MOV10L1: variants seen among roughly 807,000 people sequenced by gnomAD.
MOV10L1 encodes the protein Mov10 like RNA helicase 1, also known as RNA helicase Mov10l1.
MOV10L1 carries 110 observed loss-of-function variants against 143.8 expected under a neutral mutation model. That is an observed-to-expected ratio of 0.76 (90% CI 0.66 to 0.90). The LOEUF is 0.90. Among genes scored for constraint, MOV10L1 ranks in the 40% least tolerant of loss-of-function variants. The pLI, the probability that MOV10L1 is intolerant of heterozygous loss-of-function variation, is 0.00. For missense variants in MOV10L1, 1,406 were observed against 1,526.8 expected (o/e 0.92, Z 1.32); for synonymous variants, 593 against 581.1 (o/e 1.02, Z -0.29).
chr22:50,113,726 A>G lies in MOV10L1; in HGVS notation c.822A>G (p.Thr274=). The G allele has an allele frequency of 1.2e-6, 2 of 1,614,138 alleles. No homozygotes were observed. The highest frequency in any genetic ancestry group is 1.1e-5 in the South Asian group (1 of 91,084). The stretch of plus-strand genomic sequence containing the variant: ...AGAACAAAGGTGATATTGAAGTTAC[A>G]CAGGTGACGCATTTTGGAACCCTAA... The part of the protein sequence containing the change: ...LLKNKGDIEV[T]QVTHFGTLKE... The change falls in exon 6 of 27, where the codon ACA becomes ACG. Residue 274 remains threonine, a synonymous_variant. Coordinates refer to ENST00000262794, the MANE Select transcript of MOV10L1 (RefSeq NM_018995.3).
intron 15 of MOV10L1, among the ~76,000 whole-genome samples, chr22:50,141,257 C>T (rs1602305003): frequency 6.6e-6 from 1 of 151,726 alleles, no homozygotes; most frequent in African/African-American, 2.4e-5. Flanking sequence ...AGGATGGTCT[C>T]GATCTCTTGA....
chr22:50,141,495 A>ATTTTTTTTTTTTTT (rs56881561), intron 15 of MOV10L1, among the ~76,000 whole-genome samples: 2 of 138,174 alleles, frequency 1.4e-5, no homozygotes, highest in Non-Finnish European at 3.1e-5. Flanking sequence ...TGCCCGGCTA[A>ATTTTTTTTTTTTTT]TTTTTTTTTT....
chr22:50,161,566 G>C lies in MOV10L1; in HGVS notation c.*117G>C, dbSNP rs901534718. ...CTCGCAGCCAGGCAGGGTCGTGTGT[G>C]GGTGTGGGGCTGCCAGGTTGGACGC... On this transcript the variant is annotated 3_prime_UTR_variant, in exon 27 of 27. Coordinates refer to ENST00000262794, the MANE Select transcript of MOV10L1 (RefSeq NM_018995.3). 16 of 1,053,742 alleles carry C rather than the reference G, an allele frequency of 1.5e-5. No homozygotes were observed. The highest frequency in any genetic ancestry group is 2.2e-5 in the Non-Finnish European group (16 of 738,532). 65.3% of individuals were successfully genotyped at this position (1,053,742 alleles called of 1,614,324 possible).
intron 3 of MOV10L1, among the ~76,000 whole-genome samples, chr22:50,100,730 C>T (rs886878028): frequency 1.3e-5 from 2 of 152,174 alleles, no homozygotes; most frequent in Non-Finnish European, 2.9e-5. Context: ...TGGTCTTGAA[C>T]TCCTGACCTT....
intron 9 of MOV10L1, 44 bp from the exon 10 acceptor site, chr22:50,120,458 G>C: frequency 8.1e-7 from 1 of 1,229,762 alleles, no homozygotes; most frequent in Non-Finnish European, 1.2e-6. Flanking sequence ...AGTGATACCT[G>C]GTGATAAAGA....
intron 24 of MOV10L1, 31 bp from the exon 25 acceptor site, chr22:50,160,657 G>T (rs749009057): frequency 1.3e-6 from 2 of 1,591,960 alleles, no homozygotes; most frequent in East Asian, 4.5e-5. Flanking sequence ...AACTTCAAGT[G>T]CCATTTTTAT....
chr22:50,150,997 C>T (rs1483148165), intron 21 of MOV10L1, 98 bp downstream of exon 21: 2 of 1,483,104 alleles, frequency 1.3e-6, no homozygotes, highest in Non-Finnish European at 1.8e-6. Flanking sequence ...TGAGTCATCT[C>T]CATCCGTGGG....
Position 50,090,068 on chromosome 22 carries a change from A to ACTGCG in MOV10L1, c.-21_-20insCTGCG. On this transcript the variant is annotated 5_prime_UTR_variant, in exon 1 of 27. Transcript: ENST00000262794. ...GGGCGGCGGCAGCGGCGGTGACGGC[A>ACTGCG]GCCTAGGCCGGGCGAGGGCCATGCT... The ACTGCG allele has an allele frequency of 8.1e-7, 1 of 1,240,580 alleles. No individual in the cohort carries two copies. The allele number at this position is 1,240,580 out of a possible 1,614,324, so 76.8% of individuals were successfully genotyped here.
intron 10 of MOV10L1, among the ~76,000 whole-genome samples, chr22:50,122,133 T>C (rs1179979751): frequency 5.3e-5 from 8 of 152,146 alleles, no homozygotes; most frequent in Non-Finnish European, 1.2e-4. Context: ...ATCTGTAGAT[T>C]GCGTTGGTTA....
chr22:50,102,426 A>G (rs539735473), intron 3 of MOV10L1, among the ~76,000 whole-genome samples: 4 of 152,262 alleles, frequency 2.6e-5, no homozygotes, highest in Admixed American at 2.6e-4. Context: ...ATAACTTCTG[A>G]CCTAAAGGTG....
intron 3 of MOV10L1, among the ~76,000 whole-genome samples, chr22:50,104,295 G>T (rs537473288): frequency 2.6e-5 from 4 of 152,306 alleles, no homozygotes; most frequent in Admixed American, 6.5e-5. Context: ...GCCACAGTCC[G>T]GTGCCTTCTG....
chr22:50,148,509 T>C (rs2147398224), intron 19 of MOV10L1, among the ~76,000 whole-genome samples: 1 of 152,214 alleles, frequency 6.6e-6, no homozygotes, highest in African/African-American at 2.4e-5. Context: ...GACTCTCTGC[T>C]CCTGCACCTC....
rs1250049265 is a variant in MOV10L1, at chr22:50,117,359, A to G, written c.1454+8A>G. The stretch of plus-strand genomic sequence containing the variant: ...TGTGACCGCACAGAAAAGGTACCAT[A>G]ACTGAAATGAGTGTGGCTCTTGGTC... On this transcript the variant is annotated splice_region_variant and intron_variant, in intron 9 of 26. Transcript: ENST00000262794. The G allele has an allele frequency of 4.4e-5, 71 of 1,611,222 alleles. No homozygotes were observed. The highest frequency in any genetic ancestry group is 6.0e-5 in the Non-Finnish European group (71 of 1,178,190).
chr22:50,142,132 G>T lies in MOV10L1; in HGVS notation c.2122G>T (p.Val708Phe), dbSNP rs1330849339. 3 of 1,613,702 alleles carry T rather than the reference G, an allele frequency of 1.9e-6. No homozygotes were observed. Among genetic ancestry groups the T allele is most frequent in the Non-Finnish European group, 2.5e-6 (3 of 1,179,804 alleles). ...QAEHGTEERR[V>F]GDKDLPVLAP... is the part of the protein sequence containing the mutation. ...TGAGCATGGAACAGAGGAGAGGCGT[G>T]TTGGTGACAAGGACCTGCCGGTGCT... The change falls in exon 16 of 27, where the codon GTT (valine) becomes TTT (phenylalanine). Residue 708 changes from valine to phenylalanine, a missense_variant. Val to Phe is a conservative substitution (Grantham distance 50). Coordinates refer to ENST00000262794, the MANE Select transcript of MOV10L1 (RefSeq NM_018995.3).
chr22:50,155,338 G>A (rs931349950), intron 22 of MOV10L1, among the ~76,000 whole-genome samples: 3 of 149,354 alleles, frequency 2.0e-5, no homozygotes, highest in African/African-American at 7.4e-5. Flanking sequence ...TCGGCTCACT[G>A]CAACCTCCGC....
intron 20 of MOV10L1, among the ~76,000 whole-genome samples, chr22:50,150,118 T>C (rs1241346428): frequency 1.3e-5 from 2 of 152,188 alleles, no homozygotes; most frequent in Admixed American, 6.5e-5. Flanking sequence ...ACCTGCTTCC[T>C]CCCCGAGTGC....
chr22:50,151,851 C>G (rs950940311), intron 21 of MOV10L1, among the ~76,000 whole-genome samples: 1 of 152,204 alleles, frequency 6.6e-6, no homozygotes, highest in South Asian at 2.1e-4. Context: ...ACAGAAAGAC[C>G]CTGCCGCACG....
At chr22:50,146,963 C>T in intron 19 of MOV10L1, 4 of 1,171,196 alleles carry the variant, frequency 3.4e-6, no homozygotes, top group Middle Eastern at 1.9e-4. Context: ...TGTGCGGTGC[C>T]CGAGAGCCGT....
intron 8 of MOV10L1, 85 bp from the exon 9 acceptor site, chr22:50,117,072 C>CT: frequency 7.8e-7 from 1 of 1,283,790 alleles, no homozygotes; most frequent in Non-Finnish European, 1.1e-6. Context: ...AACTCTGTCA[C>CT]TTTTCTTGTA....
Sources: allele counts gnomAD v4.1 joint callset (sites outside exome capture counted in the v4.1 genomes callset), GRCh38; gene constraint gnomAD v4.1.1; transcripts MANE v1.5; gene names NCBI Gene and HGNC (gene_info 2026-07-23, HGNC 2026-07-21).